The following EPS15 variants were observed in gnomAD, a reference collection of about 807,000 sequenced individuals.
The protein encoded by EPS15 is epidermal growth factor receptor pathway substrate 15.
In EPS15, 72 loss-of-function variants were observed where a neutral mutation model predicts 113.8. The observed-to-expected ratio is 0.63, with a 90% CI of 0.52 to 0.77. The LOEUF is 0.77. EPS15 is among the 30% of genes least tolerant of loss of function. The pLI, the probability that EPS15 is intolerant of heterozygous loss-of-function variation, is 0.00. For synonymous variants in EPS15, 344 were observed against 363.4 expected, an observed-to-expected ratio of 0.95 and a Z score of 0.61; for missense variants, 1,048 against 1,045.8, an observed-to-expected ratio of 1.00 and a Z score of -0.03.
At chr1:51,461,025 A>G in intron 8 of EPS15, 66 bp downstream of exon 8, 1 of 1,061,450 alleles carries the variant, frequency 9.4e-7, no homozygotes, top group Non-Finnish European at 1.5e-6. Flanking sequence ...ATGAACTAAA[A>G]GAGGAAATTT....
intron 1 of EPS15, among the ~76,000 whole-genome samples, chr1:51,508,043 A>G (rs1229906637): frequency 6.6e-6 from 1 of 151,824 alleles, no homozygotes; most frequent in East Asian, 1.9e-4. Flanking sequence ...TTGGCTGGGC[A>G]TGGTGGTGTG....
chr1:51,492,409 TA>T (rs1186266626), intron 1 of EPS15, among the ~76,000 whole-genome samples: 21 of 152,024 alleles, frequency 1.4e-4, no homozygotes, highest in Non-Finnish European at 2.2e-4. Flanking sequence ...AAAATCCAGA[TA>T]AAAAAATATA....
rs548741236 is a variant in EPS15, at chr1:51,474,987, C to T, written c.76-2039G>A. ...CAGAATGATGGTTTCCAGCTTCATC[C>T]ACATCCCTACAAAGGACATGAACTC... On this transcript the variant is annotated intron_variant, in intron 2 of 24. Transcript: ENST00000371733. Among the ~76,000 whole-genome samples, 3 of 152,222 alleles carry T rather than the reference C, an allele frequency of 2.0e-5. No individual in the cohort carries two copies. In the South Asian group the frequency reaches 6.2e-4, roughly 32 times the overall value.
At chr1:51,398,504 T>C (rs1215468408) in intron 20 of EPS15, among the ~76,000 whole-genome samples, 1 of 151,976 alleles carries the variant, frequency 6.6e-6, no homozygotes. Flanking sequence ...AAACAATGAA[T>C]GTAAAGCACA....
At chr1:51,423,839 C>T (rs1322045983) in intron 12 of EPS15, 2 of 414,932 alleles carry the variant, frequency 4.8e-6, no homozygotes, top group African/African-American at 4.3e-5. Flanking sequence ...TTACAAAGGA[C>T]TCAGCTCTAA....
At chr1:51,460,918 C>A (rs1006862973) in intron 8 of EPS15, 173 bp downstream of exon 8, 26 of 498,246 alleles carry the variant, frequency 5.2e-5, no homozygotes, top group Non-Finnish European at 7.3e-5. Context: ...TGTGCCACTG[C>A]ACTCCAGCCT....
intron 23 of EPS15, among the ~76,000 whole-genome samples, chr1:51,362,504 T>C (rs1368976092): frequency 6.6e-6 from 1 of 152,204 alleles, no homozygotes; most frequent in East Asian, 1.9e-4. Context: ...ACCTCACTAT[T>C]GGCATCATGC....
intron 1 of EPS15, among the ~76,000 whole-genome samples, chr1:51,487,804 C>T (rs1644152826): frequency 6.6e-6 from 1 of 152,118 alleles, no homozygotes; most frequent in Admixed American, 6.6e-5. Context: ...TAATGTGATA[C>T]AGCTAAGTGA....
At chr1:51,394,316 CAAAG>C in intron 21 of EPS15, 61 bp downstream of exon 21, 5 of 995,056 alleles carry the variant, frequency 5.0e-6, no homozygotes, top group South Asian at 1.7e-5. Context: ...TATTTAGAGA[CAAAG>C]AAAAAAGAAT....
At chr1:51,381,869 C>T (rs1002136211) in intron 21 of EPS15, among the ~76,000 whole-genome samples, 1 of 151,936 alleles carries the variant, frequency 6.6e-6, no homozygotes, top group Non-Finnish European at 1.5e-5. Context: ...GAGCTCAAAT[C>T]AACAACCTAA....
At chr1:51,488,930 C>A (rs2148533623) in intron 1 of EPS15, among the ~76,000 whole-genome samples, 1 of 152,184 alleles carries the variant, frequency 6.6e-6, no homozygotes, top group East Asian at 1.9e-4. Flanking sequence ...TCATAGCTGG[C>A]TAGAATACAG....
chr1:51,458,752 T>C, intron 8 of EPS15: 1 of 243,648 alleles, frequency 4.1e-6, no homozygotes, highest in South Asian at 3.5e-5. Flanking sequence ...AAAAAAAATT[T>C]GTCTTTATGA....
intron 1 of EPS15, among the ~76,000 whole-genome samples, chr1:51,485,262 A>G (rs1644099491): frequency 6.6e-6 from 1 of 152,260 alleles, no homozygotes; most frequent in African/African-American, 2.4e-5. Context: ...AGTGCAACAG[A>G]GCAATATGTG....
intron 11 of EPS15, among the ~76,000 whole-genome samples, chr1:51,443,616 T>G (rs997895900): frequency 7.0e-6 from 1 of 142,952 alleles, no homozygotes; most frequent in Non-Finnish European, 1.5e-5. Flanking sequence ...TCCATTTAGC[T>G]TACCAAAAAA....
chr1:51,364,111 T>A (rs939277687), intron 22 of EPS15, 83 bp from the exon 23 acceptor site: 2 of 1,045,106 alleles, frequency 1.9e-6, no homozygotes, highest in Admixed American at 2.9e-5. Flanking sequence ...ATGATTTCAG[T>A]ATTATACAGT....
chr1:51,387,010 T>A (rs751330880), intron 21 of EPS15, among the ~76,000 whole-genome samples: 9,429 of 151,794 alleles, frequency 0.062, 312 homozygotes, highest in Non-Finnish European at 0.075. Flanking sequence ...TCCAAGACAC[T>A]TAATTATCAG....
intron 1 of EPS15, among the ~76,000 whole-genome samples, chr1:51,503,425 C>T (rs1009872506): frequency 3.9e-5 from 6 of 152,086 alleles, no homozygotes; most frequent in African/African-American, 1.2e-4. Flanking sequence ...TACCTAAAGT[C>T]GGGAGTTTGA....
intron 8 of EPS15, among the ~76,000 whole-genome samples, chr1:51,460,009 A>G (rs1654310216): frequency 6.6e-6 from 1 of 152,178 alleles, no homozygotes. Context: ...TTAAAAGTCA[A>G]AATATAATAG....
chr1:51,388,041 C>T (rs142747395), intron 21 of EPS15, among the ~76,000 whole-genome samples: 2 of 152,160 alleles, frequency 1.3e-5, no homozygotes, highest in Non-Finnish European at 2.9e-5. Context: ...CACACCACAC[C>T]TATTCCAAAA....
Sources: gnomAD v4.1 joint callset for allele counts (sites outside exome capture counted in the v4.1 genomes callset) on GRCh38, gnomAD v4.1.1 for gene constraint, MANE v1.5 for transcripts, NCBI Gene and HGNC (gene_info 2026-07-23, HGNC 2026-07-21) for gene names.